RBFOX1: variants seen among roughly 807,000 people sequenced by gnomAD.
RBFOX1 encodes RNA binding fox-1 homolog 1, also known as RNA binding protein fox-1 homolog 1.
RBFOX1 carries 8 observed loss-of-function variants against 57.7 expected under a neutral mutation model. That is an observed-to-expected ratio of 0.14 (90% CI 0.08 to 0.25). The LOEUF (loss-of-function observed/expected upper bound fraction) is 0.25, where lower values mean the gene tolerates loss of function less well. RBFOX1 is among the 10% of genes least tolerant of loss of function. The probability of loss-of-function intolerance (pLI) is 1.00; values close to 1 mark genes in which losing one functional copy is unlikely to be tolerated. For missense variants in RBFOX1, 611 were observed against 548.5 expected, an observed-to-expected ratio of 1.11 and a Z score of -1.14; for synonymous variants, 326 against 222.4, an observed-to-expected ratio of 1.47 and a Z score of -4.15.
intron 2 of RBFOX1, chr16:6,483,792 G>A: frequency 7.2e-7 from 1 of 1,386,886 alleles, no homozygotes; most frequent in Non-Finnish European, 9.3e-7. Flanking sequence ...CAGACACGGT[G>A]GCGGCGTGTG....
intron 2 of RBFOX1, among the ~76,000 whole-genome samples, chr16:6,485,374 C>T (rs1188156626): frequency 6.6e-6 from 1 of 152,120 alleles, no homozygotes; most frequent in African/African-American, 2.4e-5. Context: ...CTCTCTTGGT[C>T]TCCCTCTGGG....
chr16:7,226,825 A>G (rs557867582), intron 4 of RBFOX1, among the ~76,000 whole-genome samples: 12 of 152,216 alleles, frequency 7.9e-5, no homozygotes, highest in Admixed American at 5.9e-4. Context: ...AAATTATCTC[A>G]TTAAAATGTA....
intron 1 of RBFOX1, among the ~76,000 whole-genome samples, chr16:6,053,291 A>G (rs1433148170): frequency 6.6e-6 from 1 of 152,242 alleles, no homozygotes; most frequent in Non-Finnish European, 1.5e-5. Context: ...AGGGTGTCCC[A>G]GAGCAGGAAT....
At chr16:5,273,323 G>A (rs371681451) in intron 1 of RBFOX1, among the ~76,000 whole-genome samples, 14 of 151,702 alleles carry the variant, frequency 9.2e-5, no homozygotes, top group African/African-American at 3.4e-4. Context: ...GACACTAATA[G>A]CACCTACTAT....
At chr16:6,288,617 G>A (rs2077137817) in intron 1 of RBFOX1, among the ~76,000 whole-genome samples, 1 of 152,152 alleles carries the variant, frequency 6.6e-6, no homozygotes, top group South Asian at 2.1e-4. Flanking sequence ...TGTTGTCTGA[G>A]TTGCACTTCT....
At chr16:6,291,529 A>C (rs1599259663) in intron 1 of RBFOX1, among the ~76,000 whole-genome samples, 1 of 152,336 alleles carries the variant, frequency 6.6e-6, no homozygotes, top group Non-Finnish European at 1.5e-5. Flanking sequence ...GAACTGGTTC[A>C]TGCAAACCTG....
In RBFOX1 at chr16:7,120,836, C is replaced by CACACACACACACACAT. The variant is rs1567336781; in HGVS notation, c.27+68753_27+68754insTACACACACACACACA. Among the ~76,000 whole-genome samples the CACACACACACACACAT allele has an allele frequency of 6.0e-4, 84 of 140,860 alleles. 1 individual carries two copies. In the Middle Eastern group the frequency reaches 0.014, roughly 24 times the overall value. The allele number at this position is 140,860 out of a possible 152,430, so 92.4% of individuals were successfully genotyped here. A position where few individuals can be genotyped will look rare whatever the true frequency, so the allele number is the denominator to read the frequency against. ...TATTTTATATATGTATATATACACA[C>CACACACACACACACAT]ACACACACACACACACACACACATA... On this transcript the variant is annotated intron_variant, in intron 4 of 15. Coordinates refer to ENST00000550418, the MANE Select transcript of RBFOX1 (RefSeq NM_018723.4).
At chr16:7,552,172 A>G (rs560732284) in intron 5 of RBFOX1, among the ~76,000 whole-genome samples, 1 of 152,080 alleles carries the variant, frequency 6.6e-6, no homozygotes, top group East Asian at 1.9e-4. Context: ...TCCTTCCTTC[A>G]TCCTTAGATT....
rs544789534 is a variant in RBFOX1, at chr16:6,025,911, A to G, written c.-127+5919A>G. ...GCCTATTATATGTGACATGAACATC[A>G]GAATAAGTGTACATGGATTGAACTC... On this transcript the variant is annotated intron_variant, in intron 1 of 15. Coordinates refer to ENST00000550418, the MANE Select transcript of RBFOX1 (RefSeq NM_018723.4). Among the ~76,000 whole-genome samples, 15 of 152,320 alleles carry G rather than the reference A, an allele frequency of 9.8e-5. No homozygotes were observed. The South Asian group carries it at 2.9e-3, about 29-fold the overall frequency.
intron 2 of RBFOX1, among the ~76,000 whole-genome samples, chr16:5,524,347 T>A (rs2044148335): frequency 6.6e-6 from 1 of 152,314 alleles, no homozygotes; most frequent in Non-Finnish European, 1.5e-5. Context: ...GGGTTAAGCA[T>A]TGCCTTCGAG....
At chr16:6,686,523 C>G (rs541842442) in intron 3 of RBFOX1, among the ~76,000 whole-genome samples, 1 of 152,238 alleles carries the variant, frequency 6.6e-6, no homozygotes, top group South Asian at 2.1e-4. Flanking sequence ...GTTCTTCCAT[C>G]CATGAAATTA....
At chr16:6,653,603 G>T (rs1327040636) in intron 2 of RBFOX1, among the ~76,000 whole-genome samples, 1 of 152,164 alleles carries the variant, frequency 6.6e-6, no homozygotes, top group Admixed American at 6.5e-5. Flanking sequence ...ATGAGTGGAT[G>T]AGTGGAATGG....
At chr16:5,583,336 T>A (rs1291303015) in intron 2 of RBFOX1, among the ~76,000 whole-genome samples, 1 of 152,170 alleles carries the variant, frequency 6.6e-6, no homozygotes, top group Non-Finnish European at 1.5e-5. Context: ...AAAGCTAACT[T>A]AATAGTATGT....
At chr16:5,959,498 T>C (rs192015397) in intron 4 of RBFOX1, among the ~76,000 whole-genome samples, 1 of 152,222 alleles carries the variant, frequency 6.6e-6, no homozygotes, top group Non-Finnish European at 1.5e-5. Flanking sequence ...GTAGTGTTCC[T>C]CATTTTGAGT....
chr16:5,499,447 G>A (rs537286693), intron 2 of RBFOX1, among the ~76,000 whole-genome samples: 40 of 152,256 alleles, frequency 2.6e-4, no homozygotes, highest in Non-Finnish European at 3.5e-4. Context: ...CTCTTCACCC[G>A]TCCTTTCAGC....
At chr16:6,086,117 C>G (rs542766463) in intron 1 of RBFOX1, among the ~76,000 whole-genome samples, 6 of 152,092 alleles carry the variant, frequency 3.9e-5, no homozygotes, top group African/African-American at 1.2e-4. Flanking sequence ...GACGGTGGCT[C>G]CCAGCTTCAT....
intron 3 of RBFOX1, among the ~76,000 whole-genome samples, chr16:6,717,353 G>A (rs2160038): frequency 0.66 from 100,146 of 151,952 alleles, 33,343 homozygotes; most frequent in Middle Eastern, 0.84. Context: ...TGTGTATAAG[G>A]TAGTTCAAGA....
At chr16:5,553,701 A>C (rs151323031) in intron 2 of RBFOX1, among the ~76,000 whole-genome samples, 23 of 61,248 alleles carry the variant, frequency 3.8e-4, no homozygotes, top group African/African-American at 1.4e-3. Context: ...ATATATATGT[A>C]TATATATGTG....
chr16:6,472,845 G>A (rs546681008), intron 2 of RBFOX1, among the ~76,000 whole-genome samples: 59 of 151,886 alleles, frequency 3.9e-4, no homozygotes, highest in African/African-American at 1.2e-3. Flanking sequence ...GGCTGGTCTC[G>A]AACTCCCAAC....
Sources: gnomAD v4.1 joint callset for allele counts (sites outside exome capture counted in the v4.1 genomes callset) on GRCh38, gnomAD v4.1.1 for gene constraint, MANE v1.5 for transcripts, NCBI Gene and HGNC (gene_info 2026-07-23, HGNC 2026-07-21) for gene names.